Variants in EMX2 observed in about 807,000 individuals in gnomAD.
EMX2 encodes empty spiracles homeobox 2.
EMX2 carries 6 observed loss-of-function variants against 23.0 expected under a neutral mutation model. The observed-to-expected ratio is 0.26, with a 90% CI of 0.14 to 0.52. EMX2 has a LOEUF of 0.52. Ranked by LOEUF, EMX2 falls within the 20% of genes least tolerant of loss-of-function variation. The pLI, the probability that EMX2 is intolerant of heterozygous loss-of-function variation, is 0.97. For synonymous variants in EMX2, 175 were observed against 153.3 expected (o/e 1.14, Z -1.04); for missense variants, 302 against 341.4 (o/e 0.88, Z 0.91).
At position 117,548,138 on chromosome 10, in the gene EMX2, A is replaced by C. The variant is rs1237870361; in HGVS notation, c.665A>C (p.Gln222Pro). 4 of 1,613,882 alleles carry C rather than the reference A, an allele frequency of 2.5e-6. No individual in the cohort carries two copies. The Admixed American group carries it at 6.7e-5, about 27-fold the overall frequency. ...QKLEEEGSDS[Q>P]QKKKGTHHIN... ...CTGGAGGAAGAAGGCTCAGATTCGC[A>C]ACAAAAGAAAAAAGGGACGCACCAT... Residue 222 changes from glutamine to proline, a missense_variant, in exon 3 of 3, where the codon CAA becomes CCA. Physicochemically the swap from Gln to Pro is moderately conservative, Grantham distance 76. Transcript: ENST00000553456.
chr10:117,545,593 C>A, intron 1 of EMX2, 39 bp from the exon 2 acceptor site: 3 of 1,612,020 alleles, frequency 1.9e-6, no homozygotes, highest in Non-Finnish European at 2.5e-6. Context: ...CCGGTCAGAG[C>A]AGCCCCCCCT....
At chr10:117,544,650 G>A (rs1313510890) in intron 1 of EMX2, 1 of 151,986 alleles carries the variant, frequency 6.6e-6, no homozygotes, top group African/African-American at 2.4e-5. Context: ...TCGGGTAGAT[G>A]TCACCCCCCT....
Position 117,548,351 on chromosome 10 carries a change from G to C in EMX2, c.*119G>C, listed in dbSNP as rs989087108. The C allele has an allele frequency of 6.9e-7, 1 of 1,439,972 alleles. No homozygotes were observed. The highest frequency in any genetic ancestry group is 9.4e-7 in the Non-Finnish European group (1 of 1,067,154). The allele number at this position is 1,439,972 out of a possible 1,614,324, so 89.2% of individuals were successfully genotyped here. ...CCGCATACACGTTCACCGAGAAAGG[G>C]AGAGGGAATCGGAGGGAGCAGCGGA... On this transcript the variant is annotated 3_prime_UTR_variant, in exon 3 of 3. Coordinates refer to ENST00000553456, the MANE Select transcript of EMX2 (RefSeq NM_004098.4).
chr10:117,543,919 C>G (rs1201181539), intron 1 of EMX2, among the ~76,000 whole-genome samples: 1 of 152,184 alleles, frequency 6.6e-6, no homozygotes, highest in Non-Finnish European at 1.5e-5. Context: ...GGGGTGCGAA[C>G]GGAGAAGTTG....
At position 117,545,702 on chromosome 10, in the gene EMX2, C is replaced by T. The variant is rs747150543; in HGVS notation, c.477C>T (p.Thr159=). ...ALARKPKRIR[T]AFSPSQLLRL... ...CCCGAAAGCCCAAGCGGATCCGAAC[C>T]GCCTTCTCCCCGTCCCAGCTTCTAA... The change falls in exon 2 of 3, where the codon ACC becomes ACT. Residue 159 remains threonine, a synonymous_variant. Transcript: ENST00000553456. 11 of 1,614,162 alleles carry T rather than the reference C, an allele frequency of 6.8e-6. No individual in the cohort carries two copies. The highest frequency in any genetic ancestry group is 2.2e-5 in the East Asian group (1 of 44,876).
Position 117,542,913 on chromosome 10 carries a change from C to CAAAAAAAAAAAAAAAAAAAAA in EMX2, c.-351_-331dup, listed in dbSNP as rs71013666. On this transcript the variant is annotated 5_prime_UTR_variant, in exon 1 of 3. Transcript: ENST00000553456. Reference sequence around the variant, plus strand: ...CTCCGATCCCCCCACGCCATCTCGCCAAAAAAAAAAAAAAAAAAAAAAAAG... The same window carrying CAAAAAAAAAAAAAAAAAAAAA: ...CTCCGATCCCCCCACGCCATCTCGCCAAAAAAAAAAAAAAAAAAAAAAAAAAAAAAAAAAAAAAAAAAAAAG... 7 of 7,794 alleles carry CAAAAAAAAAAAAAAAAAAAAA rather than the reference C, an allele frequency of 9.0e-4. No individual in the cohort carries two copies. The highest frequency in any genetic ancestry group is 2.7e-3 in the African/African-American group (4 of 1,494). 0.5% of individuals were successfully genotyped at this position (7,794 alleles called of 1,614,324 possible).
chr10:117,548,565 AG>A lies in EMX2; in HGVS notation c.*334del. ...GAGAGAGAAAGAGAGAGAGAGAGAG[AG>A]AGAGAGAAAGCTGAACGTGCACTCT... On this transcript the variant is annotated 3_prime_UTR_variant, in exon 3 of 3. Transcript: ENST00000553456. The A allele has an allele frequency of 1.9e-6, 1 of 524,030 alleles. No homozygotes were observed. Among genetic ancestry groups the A allele is most frequent in the Non-Finnish European group, 3.3e-6 (1 of 300,376 alleles). The allele number at this position is 524,030 out of a possible 1,614,324, so 32.5% of individuals were successfully genotyped here.
intron 2 of EMX2, among the ~76,000 whole-genome samples, chr10:117,547,047 T>C (rs916875840): frequency 2.6e-5 from 4 of 152,196 alleles, no homozygotes; most frequent in Non-Finnish European, 5.9e-5. Context: ...GCCATCTCCC[T>C]TACCTGTACA....
rs1229580152 is a variant in EMX2, at chr10:117,548,388, A to G, written c.*156A>G. On this transcript the variant is annotated 3_prime_UTR_variant, in exon 3 of 3. Coordinates refer to ENST00000553456, the MANE Select transcript of EMX2 (RefSeq NM_004098.4). Reference sequence around the variant, plus strand: ...GAGGGAGCAGCGGAATGCGGCGAAGACTCTGGACAGCGAGGGCACAGGGTC... The same window carrying G: ...GAGGGAGCAGCGGAATGCGGCGAAGGCTCTGGACAGCGAGGGCACAGGGTC... 8.2e-7 allele frequency: 1 copy of G among 1,216,258 alleles called. No homozygotes were observed. Among genetic ancestry groups the G allele is most frequent in the African/African-American group, 1.5e-5 (1 of 64,900 alleles). The allele number at this position is 1,216,258 out of a possible 1,614,324, so 75.3% of individuals were successfully genotyped here. A position where few individuals can be genotyped will look rare whatever the true frequency, so the allele number is the denominator to read the frequency against.
rs1367371632 is a variant in EMX2, at chr10:117,543,176, C to A, written c.-92C>A. ...CCCAAACAAACGAGTCCCCAATTCT[C>A]GTCCGTCCTCGCCGCGGGCAGCGGG... On this transcript the variant is annotated 5_prime_UTR_variant, in exon 1 of 3. Transcript: ENST00000553456. The A allele has an allele frequency of 1.5e-6, 1 of 669,270 alleles. No individual in the cohort carries two copies. Among genetic ancestry groups the A allele is most frequent in the Admixed American group, 5.1e-5 (1 of 19,642 alleles). The allele number at this position is 669,270 out of a possible 1,614,324, so 41.5% of individuals were successfully genotyped here. A position where few individuals can be genotyped will look rare whatever the true frequency, so the allele number is the denominator to read the frequency against.
Position 117,543,541 on chromosome 10 carries a change from C to A in EMX2, c.274C>A (p.His92Asn), listed in dbSNP as rs1846527679. 3.7e-6 allele frequency: 6 copies of A among 1,611,330 alleles called. No individual in the cohort carries two copies. The East Asian group carries it at 1.3e-4, about 36-fold the overall frequency. Residue 92 changes from histidine (H) to asparagine (N), a missense_variant, in exon 1 of 3, where the codon CAC (histidine) becomes AAC (asparagine). By Grantham distance (68) the His-to-Asn change is moderately conservative (BLOSUM62 1). Coordinates refer to ENST00000553456, the MANE Select transcript of EMX2 (RefSeq NM_004098.4). ...AVPVHPVPPP[H>N]ALAAHPLPSS... ...GCCAGTGCACCCGGTGCCGCCGCCG[C>A]ACGCCCTGGCCGCCCACCCCCTACC...
At position 117,548,562 on chromosome 10, in the gene EMX2, GAGA is replaced by G; in HGVS notation, c.*331_*333del. The G allele has an allele frequency of 1.9e-6, 1 of 522,630 alleles. No homozygotes were observed. Among genetic ancestry groups the G allele is most frequent in the Non-Finnish European group, 3.3e-6 (1 of 299,500 alleles). The allele number at this position is 522,630 out of a possible 1,614,324, so 32.4% of individuals were successfully genotyped here. ...AAAGAGAGAGAAAGAGAGAGAGAGA[GAGA>G]GAGAGAGAAAGCTGAACGTGCACTC... On this transcript the variant is annotated 3_prime_UTR_variant, in exon 3 of 3. Transcript: ENST00000553456.
chr10:117,544,869 G>T (rs1240773376), intron 1 of EMX2: 2 of 152,142 alleles, frequency 1.3e-5, no homozygotes, highest in African/African-American at 2.4e-5. Flanking sequence ...TTCCTCATTC[G>T]CTATCAGTCA....
chr10:117,548,748 C>T lies in EMX2; in HGVS notation c.*516C>T, dbSNP rs1170240385. ...TTGTTTTTTGCACTTCGCTGTGTTT[C>T]CCCCCCATCTTTAAAAATAATTAGT... On this transcript the variant is annotated 3_prime_UTR_variant, in exon 3 of 3. Coordinates refer to ENST00000553456, the MANE Select transcript of EMX2 (RefSeq NM_004098.4). The T allele has an allele frequency of 7.4e-6, 3 of 405,470 alleles. No homozygotes were observed. Among genetic ancestry groups the T allele is most frequent in the Non-Finnish European group, 1.3e-5 (3 of 230,268 alleles). 25.1% of individuals were successfully genotyped at this position (405,470 alleles called of 1,614,324 possible). A position where few individuals can be genotyped will look rare whatever the true frequency, so the allele number is the denominator to read the frequency against.
In EMX2 at chr10:117,543,160, A is replaced by T; in HGVS notation, c.-108A>T. 1 of 341,152 alleles carries T rather than the reference A, an allele frequency of 2.9e-6. No individual in the cohort carries two copies. Among genetic ancestry groups the T allele is most frequent in the African/African-American group, 3.9e-5 (1 of 25,426 alleles). 21.1% of individuals were successfully genotyped at this position (341,152 alleles called of 1,614,324 possible). A position where few individuals can be genotyped will look rare whatever the true frequency, so the allele number is the denominator to read the frequency against. On this transcript the variant is annotated 5_prime_UTR_variant, in exon 1 of 3. Coordinates refer to ENST00000553456, the MANE Select transcript of EMX2 (RefSeq NM_004098.4). ...CCACCCCCACCCCCACCCCAAACAA[A>T]CGAGTCCCCAATTCTCGTCCGTCCT...
At position 117,548,549 on chromosome 10, in the gene EMX2, AGAG is replaced by A; in HGVS notation, c.*318_*320del. On this transcript the variant is annotated 3_prime_UTR_variant, in exon 3 of 3. Transcript: ENST00000553456. ...GAGGGAGAGAGAGAAAGAGAGAGAA[AGAG>A]AGAGAGAGAGAGAGAGAGAGAAAGC... 1 of 1,270 alleles carries A rather than the reference AGAG, an allele frequency of 7.9e-4. No individual in the cohort carries two copies. The highest frequency in any genetic ancestry group is 0.033 in the South Asian group (1 of 30). The allele number at this position is 1,270 out of a possible 1,614,324, so 0.1% of individuals were successfully genotyped here.
chr10:117,545,564 T>G (rs1846565298), intron 1 of EMX2, 68 bp from the exon 2 acceptor site: 1 of 1,599,448 alleles, frequency 6.3e-7, no homozygotes, highest in South Asian at 1.1e-5. Context: ...CCAGCCCGGC[T>G]CGGGAGAAGT....
Position 117,543,396 on chromosome 10 carries a change from C to A in EMX2, c.129C>A (p.Pro43=), listed in dbSNP as rs1259410007. The change falls in exon 1 of 3, where the codon CCC becomes CCA. Residue 43 remains proline (P), a synonymous_variant. Transcript: ENST00000553456. The part of the protein sequence containing the change: ...PAALSYANSS[P]INPFLNGFHS... ...CACTCAGCTACGCTAACTCCAGCCC[C>A]ATAAATCCGTTCCTCAACGGCTTCC... 1.9e-6 allele frequency: 3 copies of A among 1,585,978 alleles called. No homozygotes were observed. Among genetic ancestry groups the A allele is most frequent in the Non-Finnish European group, 1.7e-6 (2 of 1,166,970 alleles).
chr10:117,545,749 A>C lies in EMX2; in HGVS notation c.524A>C (p.Lys175Thr), dbSNP rs1296207633. 9 of 1,614,044 alleles carry C rather than the reference A, an allele frequency of 5.6e-6. No individual in the cohort carries two copies. The highest frequency in any genetic ancestry group is 1.3e-5 in the African/African-American group (1 of 75,068). Reference protein sequence around the residue: ...QLLRLEHAFEKNHYVVGAERK... With the variant: ...QLLRLEHAFETNHYVVGAERK... ...CTAAGGCTGGAACACGCCTTTGAGA[A>C]GAATCACTACGTGGTGGGCGCCGAA... is the stretch of plus-strand genomic sequence containing the variant. The change falls in exon 2 of 3, where the codon AAG becomes ACG. Residue 175 changes from lysine (K) to threonine (T), a missense_variant. Physicochemically the swap from Lys to Thr is moderately conservative, Grantham distance 78. This residue lies in a region of EMX2 where 37 missense variants were observed against 69.1 expected (regional missense o/e 0.54). Transcript: ENST00000553456.
Sources: allele counts gnomAD v4.1 joint callset (sites outside exome capture counted in the v4.1 genomes callset), GRCh38; gene constraint gnomAD v4.1.1; regional missense constraint gnomAD v4.1.1; transcripts MANE v1.5; gene names NCBI Gene and HGNC (gene_info 2026-07-23, HGNC 2026-07-21).